Variants in KANSL1 observed in about 807,000 individuals in gnomAD.
The protein encoded by KANSL1 is MLL1/MLL complex subunit KANSL1.
A neutral mutation model predicts 103.6 loss-of-function variants in KANSL1; 22 were observed. The ratio of observed to expected loss-of-function variants is 0.21; its 90% CI spans 0.15 to 0.30. The LOEUF (loss-of-function observed/expected upper bound fraction) is 0.30. Ranked by LOEUF, KANSL1 falls within the 10% of genes least tolerant of loss-of-function variation. The probability of loss-of-function intolerance (pLI) is 1.00; values close to 1 mark genes in which losing one functional copy is unlikely to be tolerated. For missense variants in KANSL1, 1,337 were observed against 1,399.8 expected (o/e 0.96, Z 0.72); for synonymous variants, 600 against 527.6 (o/e 1.14, Z -1.88).
At position 46,039,712 on chromosome 17, in the gene KANSL1, T is replaced by C; in HGVS notation, c.2193A>G (p.Leu731=). 2 of 1,613,008 alleles carry C rather than the reference T, an allele frequency of 1.2e-6. No homozygotes were observed. Among genetic ancestry groups the C allele is most frequent in the Non-Finnish European group, 1.7e-6 (2 of 1,179,434 alleles). The change falls in exon 8 of 15, where the codon CTA becomes CTG. Residue 731 remains leucine, a synonymous_variant. Coordinates refer to ENST00000432791, the MANE Select transcript of KANSL1 (RefSeq NM_015443.4). The part of the protein sequence containing the change: ...KDRHKLVSSF[L]TTAKLSHHQT... ...CTCCCTGACACTTACTGGCTGTTGT[T>C]AGGAAGGAGCTGACCAATTTGTGCC...
At chr17:46,198,745 C>T (rs1248512916), upstream of KANSL1, among the ~76,000 whole-genome samples, 1 of 152,166 alleles carries the variant, frequency 6.6e-6, no homozygotes, top group African/African-American at 2.4e-5. Context: ...AACAAAATCC[C>T]TGTCTAGACT....
At chr17:46,167,556 A>G (rs1440114883) in intron 2 of KANSL1, among the ~76,000 whole-genome samples, 1 of 152,260 alleles carries the variant, frequency 6.6e-6, no homozygotes, top group South Asian at 2.1e-4. Flanking sequence ...CAAAGCAGTT[A>G]TATTTCCACT....
intron 6 of KANSL1, among the ~76,000 whole-genome samples, chr17:46,053,598 A>G (rs903647320): frequency 1.3e-5 from 2 of 151,890 alleles, no homozygotes; most frequent in Non-Finnish European, 2.9e-5. Flanking sequence ...CACCCAGCTA[A>G]TATTTTTGTA....
At chr17:46,111,871 C>T (rs2042824586) in intron 2 of KANSL1, among the ~76,000 whole-genome samples, 1 of 152,154 alleles carries the variant, frequency 6.6e-6, no homozygotes, top group South Asian at 2.1e-4. Flanking sequence ...AGAAGAAAAG[C>T]AGAAACCAGA....
At position 46,185,736 on chromosome 17, in the gene KANSL1, G is replaced by GACAC. The variant is rs2047001777; in HGVS notation, c.-90+7086_-90+7087insGTGT. Among the ~76,000 whole-genome samples the GACAC allele has an allele frequency of 2.2e-4, 24 of 110,924 alleles. No homozygotes were observed. The South Asian group carries it at 8.0e-3, about 37-fold the overall frequency. 72.8% of individuals were successfully genotyped at this position (110,924 alleles called of 152,430 possible). On this transcript the variant is annotated intron_variant, in intron 1 of 14. Transcript: ENST00000432791. ...ACACACACACACACACACACACACG[G>GACAC]ATAGGCTAGGCCCCATGGCTCATGC...
intron 2 of KANSL1, among the ~76,000 whole-genome samples, chr17:46,116,542 C>CCAACAA (rs113260576): frequency 0.14 from 21,536 of 151,714 alleles, 2,089 homozygotes; most frequent in Non-Finnish European, 0.22. Context: ...AAAACAAAAA[C>CCAACAA]CAACAACAAC....
intron 1 of KANSL1, among the ~76,000 whole-genome samples, chr17:46,178,597 G>C (rs536775044): frequency 3.9e-5 from 6 of 152,182 alleles, no homozygotes; most frequent in Non-Finnish European, 8.8e-5. Context: ...ACCTATTCAA[G>C]GTCATTTAGC....
At chr17:46,096,302 C>CTTTTTTTTTTTTTTTTTTTTTTTT in intron 2 of KANSL1, among the ~76,000 whole-genome samples, 1 of 82,596 alleles carries the variant, frequency 1.2e-5, no homozygotes, top group South Asian at 3.0e-4. Flanking sequence ...ACATACCTGG[C>CTTTTTTTTTTTTTTTTTTTTTTTT]TTTTTTTTCT....
At chr17:46,125,552 G>GT in intron 2 of KANSL1, among the ~76,000 whole-genome samples, 1 of 152,122 alleles carries the variant, frequency 6.6e-6, no homozygotes, top group Non-Finnish European at 1.5e-5. Context: ...CCATATAGGG[G>GT]GTACCACTCC....
At chr17:46,051,056 C>T (rs963976080) in intron 6 of KANSL1, among the ~76,000 whole-genome samples, 13 of 152,222 alleles carry the variant, frequency 8.5e-5, no homozygotes, top group Non-Finnish European at 1.5e-4. Flanking sequence ...CATGCTTTCA[C>T]GACCTTGATG....
In KANSL1 at chr17:46,171,801, A is replaced by G. The variant is rs1009923370; in HGVS notation, c.343T>C (p.Ser115Pro). Residue 115 changes from serine (S) to proline (P), a missense_variant, in exon 2 of 15, where the codon TCT (serine) becomes CCT (proline). This residue lies in a region of KANSL1 where 557 missense variants were observed against 476.4 expected (regional missense o/e 1.17). Coordinates refer to ENST00000432791, the MANE Select transcript of KANSL1 (RefSeq NM_015443.4). ...TCAGCTCGGAGTTCATAGGACTGAG[A>G]TAAGAGAGGATGAGATTTAAGGACT... Reference protein sequence around the residue: ...QTVLKSHPLLSQSYELRAELL... With the variant: ...QTVLKSHPLLPQSYELRAELL... 5.0e-6 allele frequency: 8 copies of G among 1,613,912 alleles called. No individual in the cohort carries two copies. The East Asian group carries it at 8.9e-5, about 18-fold the overall frequency.
intron 1 of KANSL1, among the ~76,000 whole-genome samples, chr17:46,217,128 AAAAG>A (rs2048365190): frequency 1.3e-5 from 2 of 151,528 alleles, no homozygotes; most frequent in Non-Finnish European, 2.9e-5. Context: ...AAAAAAAAAA[AAAAG>A]AGATATGTAG....
chr17:46,101,016 G>A (rs534263911), intron 2 of KANSL1, among the ~76,000 whole-genome samples: 3 of 152,284 alleles, frequency 2.0e-5, no homozygotes, highest in Non-Finnish European at 2.9e-5. Context: ...AATTGACAAA[G>A]GATTATGTGC....
intron 7 of KANSL1, chr17:46,045,956 G>A (rs1033015393): frequency 1.3e-5 from 2 of 152,178 alleles, no homozygotes; most frequent in Admixed American, 6.5e-5. Flanking sequence ...CTTCAAGTAT[G>A]AGACTATACA....
chr17:46,178,446 T>C, intron 1 of KANSL1, among the ~76,000 whole-genome samples: 1 of 152,232 alleles, frequency 6.6e-6, no homozygotes, highest in East Asian at 1.9e-4. Flanking sequence ...AGAATAAAAA[T>C]TCAAGCCCCA....
intron 2 of KANSL1, among the ~76,000 whole-genome samples, chr17:46,140,503 T>C (rs1285528368): frequency 6.6e-6 from 1 of 152,008 alleles, no homozygotes; most frequent in Non-Finnish European, 1.5e-5. Flanking sequence ...TGATTTCTTA[T>C]GCTGTGACAC....
At chr17:46,209,650 C>T (rs1233354843) in intron 1 of KANSL1, among the ~76,000 whole-genome samples, 2 of 152,152 alleles carry the variant, frequency 1.3e-5, no homozygotes, top group Admixed American at 1.3e-4. Flanking sequence ...TGTGCCACCA[C>T]ATTTGGCTGA....
chr17:46,145,573 A>G (rs1252758656), intron 2 of KANSL1, among the ~76,000 whole-genome samples: 4 of 152,260 alleles, frequency 2.6e-5, no homozygotes, highest in African/African-American at 7.2e-5. Flanking sequence ...TTAATGCACT[A>G]AATAATTTTA....
chr17:46,116,912 G>T (rs1308073111), intron 2 of KANSL1, among the ~76,000 whole-genome samples: 1 of 152,118 alleles, frequency 6.6e-6, no homozygotes, highest in African/African-American at 2.4e-5. Context: ...ATTTTAAATG[G>T]CAAAATAATC....
Sources: gnomAD v4.1 joint callset for allele counts (sites outside exome capture counted in the v4.1 genomes callset) on GRCh38, gnomAD v4.1.1 for gene constraint, gnomAD v4.1.1 regional missense constraint, MANE v1.5 for transcripts, NCBI Gene and HGNC (gene_info 2026-07-23, HGNC 2026-07-21) for gene names.